The following CACNA2D3 variants were observed in gnomAD, a reference collection of about 807,000 sequenced individuals.
CACNA2D3 encodes the protein voltage-dependent calcium channel subunit alpha-2/delta-3.
Under a neutral mutation model 160.6 loss-of-function variants are expected in CACNA2D3, and 60 were observed. The ratio of observed to expected loss-of-function variants is 0.37; its 90% confidence interval spans 0.30 to 0.46. CACNA2D3 has a LOEUF of 0.46. CACNA2D3 is among the 20% of genes least tolerant of loss of function. The pLI is 1.00. For synonymous variants in CACNA2D3, 558 were observed against 492.9 expected (o/e 1.13, Z -1.75); for missense variants, 1,205 against 1,365.0 (o/e 0.88, Z 1.85).
At chr3:54,222,556 A>G (rs1419009405) in intron 2 of CACNA2D3, among the ~76,000 whole-genome samples, 1 of 152,212 alleles carries the variant, frequency 6.6e-6, no homozygotes, top group Non-Finnish European at 1.5e-5. Flanking sequence ...AACTAAACAC[A>G]CTAACCCTGT....
chr3:54,728,965 T>TA (rs910130759), intron 11 of CACNA2D3, among the ~76,000 whole-genome samples: 3 of 152,208 alleles, frequency 2.0e-5, no homozygotes, highest in African/African-American at 7.2e-5. Context: ...CATTATCAAA[T>TA]ACATTAGGGA....
intron 2 of CACNA2D3, among the ~76,000 whole-genome samples, chr3:54,314,173 A>T (rs1703811529): frequency 6.6e-6 from 1 of 152,082 alleles, no homozygotes; most frequent in African/African-American, 2.4e-5. Flanking sequence ...TTCTATTCCT[A>T]AGTTACTGCA....
At chr3:54,231,118 G>T (rs540797470) in intron 2 of CACNA2D3, among the ~76,000 whole-genome samples, 258 of 152,292 alleles carry the variant, frequency 1.7e-3, no homozygotes, top group Admixed American at 3.8e-3. Context: ...AGTTTGCTGT[G>T]ATGTCTTTAG....
At chr3:54,404,705 A>T (rs1699540103) in intron 4 of CACNA2D3, among the ~76,000 whole-genome samples, 1 of 152,140 alleles carries the variant, frequency 6.6e-6, no homozygotes, top group African/African-American at 2.4e-5. Context: ...CGAATTACAG[A>T]TGACATGATC....
At chr3:54,815,254 A>G (rs1278270739) in intron 13 of CACNA2D3, among the ~76,000 whole-genome samples, 1 of 152,232 alleles carries the variant, frequency 6.6e-6, no homozygotes, top group African/African-American at 2.4e-5. Flanking sequence ...GGAGACCCGT[A>G]TAAGATAAAA....
At chr3:54,197,357 G>A (rs1576992890) in intron 2 of CACNA2D3, 2 of 152,320 alleles carry the variant, frequency 1.3e-5, no homozygotes, top group African/African-American at 4.8e-5. Flanking sequence ...GTGACCTCAA[G>A]TCTGCTGCCA....
chr3:54,578,626 CA>C (rs1702626459), intron 8 of CACNA2D3, among the ~76,000 whole-genome samples: 1 of 152,208 alleles, frequency 6.6e-6, no homozygotes, highest in African/African-American at 2.4e-5. Flanking sequence ...GATTGCTCAG[CA>C]TAGCTTTATC....
At chr3:54,632,890 C>T (rs1011723410) in intron 10 of CACNA2D3, 2 of 152,320 alleles carry the variant, frequency 1.3e-5, no homozygotes, top group Non-Finnish European at 2.9e-5. Flanking sequence ...TTGATAAAGA[C>T]AGTAGAATAG....
intron 9 of CACNA2D3, among the ~76,000 whole-genome samples, chr3:54,600,000 A>C (rs948352280): frequency 3.6e-4 from 55 of 152,196 alleles, no homozygotes; most frequent in African/African-American, 1.3e-3. Flanking sequence ...GTCTGCTGGC[A>C]CAGCCTGTGC....
Position 55,074,487 on chromosome 3 carries a change from C to T in CACNA2D3, c.*281C>T. The T allele has an allele frequency of 2.4e-6, 1 of 417,778 alleles. No homozygotes were observed. Among genetic ancestry groups the T allele is most frequent in the East Asian group, 4.6e-5 (1 of 21,726 alleles). The allele number at this position is 417,778 out of a possible 1,614,324, so 25.9% of individuals were successfully genotyped here. On this transcript the variant is annotated 3_prime_UTR_variant, in exon 38 of 38. Transcript: ENST00000474759. The stretch of plus-strand genomic sequence containing the variant: ...GGACCGCAAGTGGTAGGCAGTGTCC[C>T]TTCTGCTTGAAACCTATTGAAACCA...
rs1559594904 is a variant in CACNA2D3 at position 54,821,676 on chromosome 3, CTTT to C, written c.1398+4807_1398+4809del. 8.8e-3 allele frequency among the ~76,000 whole-genome samples: 1,114 copies of C among 126,398 alleles called. 16 individuals are homozygous for C. The highest frequency in any genetic ancestry group is 0.028 in the African/African-American group (978 of 35,014). The allele number at this position is 126,398 out of a possible 152,430, so 82.9% of individuals were successfully genotyped here. A position where few individuals can be genotyped will look rare whatever the true frequency, so the allele number is the denominator to read the frequency against. On this transcript the variant is annotated intron_variant, in intron 14 of 37. Coordinates refer to ENST00000474759, the MANE Select transcript of CACNA2D3 (RefSeq NM_018398.3). ...TCTTTCTTTCTTTCTTTCTTTCTTT[CTTT>C]CTTTCTTTCTTTCTTTCTTTCCTTC...
At chr3:54,897,753 G>T (rs966877816) in intron 26 of CACNA2D3, among the ~76,000 whole-genome samples, 6 of 152,092 alleles carry the variant, frequency 3.9e-5, no homozygotes, top group African/African-American at 1.4e-4. Context: ...TTGGTGCTTT[G>T]TCATTTCCAT....
intron 11 of CACNA2D3, among the ~76,000 whole-genome samples, chr3:54,708,373 G>C (rs1700893469): frequency 1.3e-5 from 2 of 152,160 alleles, no homozygotes; most frequent in South Asian, 4.1e-4. Flanking sequence ...AAATTTTAAG[G>C]TTTAGATTAC....
intron 2 of CACNA2D3, among the ~76,000 whole-genome samples, chr3:54,246,551 G>T (rs1289772646): frequency 6.7e-6 from 1 of 149,582 alleles, no homozygotes; most frequent in East Asian, 2.0e-4. Flanking sequence ...AAATTAGCCG[G>T]GCGTGGTTGC....
At chr3:55,057,063 A>G (rs2107215171) in intron 35 of CACNA2D3, among the ~76,000 whole-genome samples, 1 of 152,228 alleles carries the variant, frequency 6.6e-6, no homozygotes, top group South Asian at 2.1e-4. Flanking sequence ...TCCATGTGTC[A>G]TGGGAGGGAC....
chr3:55,064,402 C>T (rs553858363), intron 35 of CACNA2D3, among the ~76,000 whole-genome samples: 1 of 152,202 alleles, frequency 6.6e-6, no homozygotes, highest in Non-Finnish European at 1.5e-5. Flanking sequence ...AGCCAGGTGC[C>T]GGTGAGGTGG....
chr3:54,169,730 C>T (rs1215114558), intron 2 of CACNA2D3, among the ~76,000 whole-genome samples: 7 of 150,238 alleles, frequency 4.7e-5, no homozygotes, highest in South Asian at 4.3e-4. Context: ...TGCAAGTGTG[C>T]GTGTGTGCGA....
chr3:54,657,270 G>A (rs111398418), intron 11 of CACNA2D3, among the ~76,000 whole-genome samples: 3 of 152,286 alleles, frequency 2.0e-5, no homozygotes, highest in African/African-American at 4.8e-5. Context: ...GGGATATGAT[G>A]GCTTAGCTTG....
chr3:54,982,460 A>G (rs1672076648), intron 29 of CACNA2D3, among the ~76,000 whole-genome samples: 2 of 152,132 alleles, frequency 1.3e-5, no homozygotes, highest in Non-Finnish European at 2.9e-5. Context: ...AAGTCAGTCA[A>G]CTGGTGCATG....
Sources: allele counts gnomAD v4.1 joint callset (sites outside exome capture counted in the v4.1 genomes callset), GRCh38; gene constraint gnomAD v4.1.1; transcripts MANE v1.5; gene names NCBI Gene and HGNC (gene_info 2026-07-23, HGNC 2026-07-21).